Variants in PSTPIP1 observed in about 807,000 individuals in gnomAD.
The protein encoded by PSTPIP1 is proline-serine-threonine phosphatase interacting protein 1.
A neutral mutation model predicts 69.6 loss-of-function variants in PSTPIP1; 66 were observed. The ratio of observed to expected loss-of-function variants is 0.95; its 90% CI spans 0.78 to 1.16. The LOEUF is 1.16. Among genes scored for constraint, PSTPIP1 ranks in the 50% most tolerant of loss-of-function variants. The probability of loss-of-function intolerance (pLI) is 0.00; values close to 1 mark genes in which losing one functional copy is unlikely to be tolerated. For synonymous variants in PSTPIP1, 266 were observed against 222.7 expected, an observed-to-expected ratio of 1.19 and a Z score of -1.73; for missense variants, 603 against 557.4, an observed-to-expected ratio of 1.08 and a Z score of -0.82.
At chr15:77,006,100 A>G (rs1384508971) in intron 1 of PSTPIP1, among the ~76,000 whole-genome samples, 3 of 152,030 alleles carry the variant, frequency 2.0e-5, no homozygotes, top group Non-Finnish European at 4.4e-5. Context: ...AAGGGATCCA[A>G]TTGCTCCATA....
upstream of PSTPIP1, chr15:76,995,033 G>A: frequency 2.5e-6 from 3 of 1,190,898 alleles, no homozygotes; most frequent in Non-Finnish European, 3.2e-6. Context: ...GCAGGAGCAG[G>A]ATGGCAGGTG....
At chr15:77,009,306 C>T (rs1016917426) in intron 1 of PSTPIP1, among the ~76,000 whole-genome samples, 35 of 152,112 alleles carry the variant, frequency 2.3e-4, no homozygotes, top group African/African-American at 8.0e-4. Flanking sequence ...AGGGCACGGG[C>T]ATAGGAGTGG....
chr15:77,032,271 T>A, intron 10 of PSTPIP1, 27 bp from the exon 11 acceptor site: 1 of 1,608,672 alleles, frequency 6.2e-7, no homozygotes, highest in Non-Finnish European at 8.5e-7. Context: ...GGCATCGGGC[T>A]GCGGCCTCTG....
intron 1 of PSTPIP1, chr15:77,007,815 C>T (rs780782245): frequency 1.2e-5 from 5 of 433,994 alleles, no homozygotes; most frequent in East Asian, 7.1e-5. Context: ...AGGATGGTCT[C>T]GATCTCCTGA....
Position 77,035,863 on chromosome 15 carries a change from A to T in PSTPIP1, c.1047A>T (p.Ala349=), listed in dbSNP as rs758132547. 6.2e-7 allele frequency: 1 copy of T among 1,610,410 alleles called. No homozygotes were observed. The highest frequency in any genetic ancestry group is 2.2e-5 in the East Asian group (1 of 44,842). ...ERNEGVYTAI[A]VQEIQGNPAS... ...ATGAGGGTGTCTACACAGCCATCGCAGTGCAGGAGATACAGGGAAACCCGG... is the reference window on the plus strand; with the variant it reads ...ATGAGGGTGTCTACACAGCCATCGCTGTGCAGGAGATACAGGGAAACCCGG... Residue 349 remains alanine (A), a synonymous_variant, in exon 14 of 15, where the codon GCA becomes GCT. Transcript: ENST00000558012.
Position 77,002,749 on chromosome 15 carries a change from T to C in PSTPIP1, c.36+7140T>C, listed in dbSNP as rs1480598727. Among the ~76,000 whole-genome samples, 3 of 152,220 alleles carry C rather than the reference T, an allele frequency of 2.0e-5. No homozygotes were observed. The East Asian group carries it at 5.8e-4, about 29-fold the overall frequency. Reference sequence around the variant, plus strand: ...TTCTGGGTCGATTTGGTGTTCTGAATTCAATTTTATTCTTGATAAAAAACA... The same window carrying C: ...TTCTGGGTCGATTTGGTGTTCTGAACTCAATTTTATTCTTGATAAAAAACA... On this transcript the variant is annotated intron_variant, in intron 1 of 14. Coordinates refer to ENST00000558012, the MANE Select transcript of PSTPIP1 (RefSeq NM_003978.5).
chr15:77,029,313 T>TG (rs2076358539), intron 7 of PSTPIP1, among the ~76,000 whole-genome samples: 1 of 152,234 alleles, frequency 6.6e-6, no homozygotes, highest in African/African-American at 2.4e-5. Context: ...GGCATCCTCC[T>TG]GGGCTCGGTT....
Position 77,030,583 on chromosome 15 carries a change from T to C in PSTPIP1, c.642+2T>C. 1 of 1,593,064 alleles carries C rather than the reference T, an allele frequency of 6.3e-7. No homozygotes were observed. The highest frequency in any genetic ancestry group is 2.3e-5 in the East Asian group (1 of 44,162). On this transcript the variant is annotated splice_donor_variant, in intron 9 of 14. Coordinates refer to ENST00000558012, the MANE Select transcript of PSTPIP1 (RefSeq NM_003978.5). LOFTEE classifies it high-confidence loss of function. ...CAGGAGCACCGGACCACCTGTGAGG[T>C]GAGTGGCCCACGTGGAGCCTCGTTT...
In PSTPIP1 at chr15:77,037,314, A is replaced by G. The variant is rs2076605808; in HGVS notation, c.*138A>G. The G allele has an allele frequency of 1.7e-6, 2 of 1,179,588 alleles. No homozygotes were observed. Among genetic ancestry groups the G allele is most frequent in the South Asian group, 3.1e-5 (2 of 65,476 alleles). The allele number at this position is 1,179,588 out of a possible 1,614,324, so 73.1% of individuals were successfully genotyped here. On this transcript the variant is annotated 3_prime_UTR_variant, in exon 15 of 15. Coordinates refer to ENST00000558012, the MANE Select transcript of PSTPIP1 (RefSeq NM_003978.5). The stretch of plus-strand genomic sequence containing the variant: ...GAGCCTGTCGTCTCCCAGGGAATAA[A>G]GGAGTGCGTTCTGTTCTCCTTGGTG...
At chr15:77,029,392 T>A in intron 7 of PSTPIP1, 137 bp from the exon 8 acceptor site, 1 of 943,392 alleles carries the variant, frequency 1.1e-6, no homozygotes, top group African/African-American at 1.6e-5. Context: ...TTGTGGATGA[T>A]GGCATCTGCC....
At chr15:77,012,477 C>T (rs2075965609) in intron 1 of PSTPIP1, among the ~76,000 whole-genome samples, 1 of 150,452 alleles carries the variant, frequency 6.6e-6, no homozygotes, top group African/African-American at 2.4e-5. Context: ...ACCCATCTAC[C>T]CATCCACCCA....
In PSTPIP1 at chr15:77,037,077, C is replaced by G. The variant is rs1427854458; in HGVS notation, c.1152C>G (p.Asp384Glu). 1 of 1,612,348 alleles carries G rather than the reference C, an allele frequency of 6.2e-7. No individual in the cohort carries two copies. Among genetic ancestry groups the G allele is most frequent in the Non-Finnish European group, 8.5e-7 (1 of 1,179,666 alleles). Reference sequence around the variant, plus strand: ...ATGAGCTGGACCTGTCCGCGGGAGACATCCTGGAGGTGATCCTGGAAGGGG... The same window carrying G: ...ATGAGCTGGACCTGTCCGCGGGAGAGATCCTGGAGGTGATCCTGGAAGGGG... ...NPDELDLSAG[D>E]ILEVILEGED... is the part of the protein sequence containing the mutation. Residue 384 changes from aspartate to glutamate, a missense_variant, in exon 15 of 15, where the codon GAC (aspartate) becomes GAG (glutamate). By Grantham distance (45) the Asp-to-Glu change is conservative (BLOSUM62 2). Coordinates refer to ENST00000558012, the MANE Select transcript of PSTPIP1 (RefSeq NM_003978.5).
rs2076560983 is a variant in PSTPIP1 at position 77,035,958 on chromosome 15, C to T, written c.1119+23C>T. 3 of 1,564,220 alleles carry T rather than the reference C, an allele frequency of 1.9e-6. No individual in the cohort carries two copies. In the South Asian group the frequency reaches 3.5e-5, roughly 18 times the overall value. On this transcript the variant is annotated intron_variant, in intron 14 of 14. Coordinates refer to ENST00000558012, the MANE Select transcript of PSTPIP1 (RefSeq NM_003978.5). ...CAGGTGAGGCCTCTATACCCCAAAC[C>T]CACCTGTGCCACCTCCCCTGCACCT... is the stretch of plus-strand genomic sequence containing the variant.
Position 77,030,645 on chromosome 15 carries a change from C to T in PSTPIP1, c.642+64C>T, listed in dbSNP as rs79985146. The T allele has an allele frequency of 1.8e-3, 2,657 of 1,478,854 alleles. 45 individuals are homozygous for T. The African/African-American group carries it at 0.033, about 18-fold the overall frequency. 91.6% of individuals were successfully genotyped at this position (1,478,854 alleles called of 1,614,324 possible). A position where few individuals can be genotyped will look rare whatever the true frequency, so the allele number is the denominator to read the frequency against. On this transcript the variant is annotated intron_variant, in intron 9 of 14. Transcript: ENST00000558012. ...GAAGTGTGAGACGCCCATCCCTACT[C>T]CAGCTGCTTAAAGGGGCCCAAGTGA...
rs370802825 is a variant in PSTPIP1, at chr15:77,018,499, C to G, written c.180C>G (p.Ile60Met). The G allele has an allele frequency of 1.9e-6, 3 of 1,581,794 alleles. No individual in the cohort carries two copies. Among genetic ancestry groups the G allele is most frequent in the Non-Finnish European group, 1.7e-6 (2 of 1,163,976 alleles). Residue 60 changes from isoleucine (I) to methionine (M), a missense_variant, in exon 3 of 15, where the codon ATC becomes ATG. By Grantham distance (10) the Ile-to-Met change is conservative. Transcript: ENST00000558012. Reference protein sequence around the residue: ...EERYGKELVQIARKAGGQTEI... With the variant: ...EERYGKELVQMARKAGGQTEI... ...GGTACGGGAAGGAGCTGGTGCAGAT[C>G]GCACGGAAGGCAGGTGGCCAGACGG...
intron 14 of PSTPIP1, 27 bp from the exon 15 acceptor site, chr15:77,037,018 G>A (rs766351379): frequency 1.1e-5 from 18 of 1,609,294 alleles, no homozygotes; most frequent in East Asian, 2.2e-5. Context: ...CCCTTCCAAC[G>A]TCATGCGCTT....
At chr15:77,035,634 C>A in intron 13 of PSTPIP1, 71 bp downstream of exon 13, 1 of 1,508,762 alleles carries the variant, frequency 6.6e-7, no homozygotes, top group South Asian at 1.2e-5. Context: ...CCACATGGCA[C>A]AGATGGGGCC....
At chr15:77,032,740 C>CA (rs1438074965) in intron 11 of PSTPIP1, 122 bp from the exon 12 acceptor site, 1 of 798,554 alleles carries the variant, frequency 1.3e-6, no homozygotes, top group Non-Finnish European at 2.0e-6. Flanking sequence ...GCAAGACAGG[C>CA]ACCTCCTCAG....
intron 1 of PSTPIP1, among the ~76,000 whole-genome samples, chr15:77,004,448 C>T (rs984077807): frequency 2.0e-5 from 3 of 152,110 alleles, no homozygotes; most frequent in African/African-American, 4.8e-5. Context: ...GAAACAGGAA[C>T]GGGAAACAGC....
Sources: gnomAD v4.1 joint callset for allele counts (sites outside exome capture counted in the v4.1 genomes callset) on GRCh38, gnomAD v4.1.1 for gene constraint, MANE v1.5 for transcripts, NCBI Gene and HGNC (gene_info 2026-07-23, HGNC 2026-07-21) for gene names.